DRC1: variants seen among roughly 807,000 people sequenced by gnomAD.
DRC1 encodes dynein regulatory complex subunit 1, also known as dynein regulatory complex protein 1.
DRC1 carries 74 observed loss-of-function variants against 98.7 expected under a neutral mutation model. That is an observed-to-expected ratio of 0.75 (90% confidence interval 0.62 to 0.91). The LOEUF (loss-of-function observed/expected upper bound fraction) is 0.91. Ranked by LOEUF, DRC1 falls within the 40% of genes least tolerant of loss-of-function variation. The pLI, the probability that DRC1 is intolerant of heterozygous loss-of-function variation, is 0.00. For synonymous variants in DRC1, 336 were observed against 334.1 expected (o/e 1.01, Z -0.06); for missense variants, 875 against 886.0 (o/e 0.99, Z 0.16).
At chr2:26,402,728 T>C (rs1678292163) in intron 1 of DRC1, among the ~76,000 whole-genome samples, 1 of 152,364 alleles carries the variant, frequency 6.6e-6, no homozygotes, top group East Asian at 1.9e-4. Context: ...CACTGACCAC[T>C]GGACCCCTAC....
chr2:26,445,674 T>C (rs1022118220), intron 10 of DRC1, among the ~76,000 whole-genome samples: 5 of 152,112 alleles, frequency 3.3e-5, no homozygotes, highest in African/African-American at 1.2e-4. Flanking sequence ...ATTTATTTAT[T>C]TTTGAGACAG....
intron 2 of DRC1, among the ~76,000 whole-genome samples, chr2:26,419,133 C>A (rs984552708): frequency 3.3e-5 from 5 of 151,926 alleles, no homozygotes; most frequent in African/African-American, 1.2e-4. Flanking sequence ...AGGTGAACCG[C>A]CCGTGTTGGC....
intron 16 of DRC1, among the ~76,000 whole-genome samples, chr2:26,456,228 G>A (rs1279037611): frequency 6.6e-6 from 1 of 152,208 alleles, no homozygotes; most frequent in Non-Finnish European, 1.5e-5. Flanking sequence ...GAATGGACGG[G>A]CGGGAGATGA....
In DRC1 at chr2:26,429,737, C is replaced by G. The variant is rs1663383331; in HGVS notation, c.650C>G (p.Thr217Ser). ...MEEQVKNVMK[T>S]FREELYNIEK... Reference sequence around the variant, plus strand: ...GAACAGGTGAAGAATGTGATGAAAACCTTTCGTGAGGAGCTCTATAACATT... The same window carrying G: ...GAACAGGTGAAGAATGTGATGAAAAGCTTTCGTGAGGAGCTCTATAACATT... The change falls in exon 5 of 17, where the codon ACC becomes AGC. Residue 217 changes from threonine to serine, a missense_variant. Physicochemically the swap from Thr to Ser is moderately conservative, Grantham distance 58 (BLOSUM62 1). Coordinates refer to ENST00000288710, the MANE Select transcript of DRC1 (RefSeq NM_145038.5). The G allele has an allele frequency of 6.2e-7, 1 of 1,613,916 alleles. No individual in the cohort carries two copies. Among genetic ancestry groups the G allele is most frequent in the Non-Finnish European group, 8.5e-7 (1 of 1,179,992 alleles).
chr2:26,402,148 A>T lies in DRC1; in HGVS notation c.155+4A>T. ...CGCGCTTAGAAGCCCGGAGGCGGTG[A>T]GCGCGGGGGCGGGCGGGGCGGGATC... On this transcript the variant is annotated splice_donor_region_variant and intron_variant, in intron 1 of 16. Transcript: ENST00000288710. The T allele has an allele frequency of 6.3e-7, 1 of 1,594,434 alleles. No individual in the cohort carries two copies. Among genetic ancestry groups the T allele is most frequent in the Non-Finnish European group, 8.5e-7 (1 of 1,172,712 alleles).
intron 1 of DRC1, among the ~76,000 whole-genome samples, chr2:26,403,662 G>T (rs1678324688): frequency 6.6e-6 from 1 of 151,978 alleles, no homozygotes; most frequent in Admixed American, 6.6e-5. Flanking sequence ...AGGTGTGGTG[G>T]CAGGCACCTG....
rs569189470 is a variant in DRC1 at position 26,411,796 on chromosome 2, A to T, written c.156-2548A>T. Among the ~76,000 whole-genome samples the T allele has an allele frequency of 8.9e-5, 11 of 124,196 alleles. No homozygotes were observed. The South Asian group carries it at 1.1e-3, about 13-fold the overall frequency. The allele number at this position is 124,196 out of a possible 152,430, so 81.5% of individuals were successfully genotyped here. The stretch of plus-strand genomic sequence containing the variant: ...TGGGGACAGAGCAAGACTCTGTCTT[A>T]AAAAAAAAAAAAATTATAGCATATC... On this transcript the variant is annotated intron_variant, in intron 1 of 16. Transcript: ENST00000288710.
At chr2:26,449,825 C>T (rs957036879) in intron 11 of DRC1, among the ~76,000 whole-genome samples, 171 bp from the exon 12 acceptor site, 8 of 152,188 alleles carry the variant, frequency 5.3e-5, no homozygotes, top group East Asian at 1.9e-4. Context: ...GGGAGGGGGG[C>T]GTTCATGGGC....
At position 26,444,275 on chromosome 2, in the gene DRC1, A is replaced by C. The variant is rs970137380; in HGVS notation, c.1082A>C (p.Gln361Pro). 2.5e-6 allele frequency: 4 copies of C among 1,614,224 alleles called. No individual in the cohort carries two copies. The highest frequency in any genetic ancestry group is 3.3e-4 in the Middle Eastern group (2 of 6,062). Residue 361 changes from glutamine to proline, a missense_variant, in exon 9 of 17, where the codon CAG becomes CCG. Gln to Pro is a moderately conservative substitution (Grantham distance 76, BLOSUM62 -1). Transcript: ENST00000288710. Reference sequence around the variant, plus strand: ...TCAAAATATGCCAAGCAAATAAAGCAGTTTCAGGAGGAGAACCAGTCTCTA... The same window carrying C: ...TCAAAATATGCCAAGCAAATAAAGCCGTTTCAGGAGGAGAACCAGTCTCTA... The part of the protein sequence containing the change: ...LRSKYAKQIK[Q>P]FQEENQSLTS...
rs6747166 is a variant in DRC1 at position 26,454,861 on chromosome 2, G to A, written c.2063+71G>A. ...AGGAACGGTTGTTGGGAGCAGCCGC[G>A]TTTGCTGCCTCCCTGTCCCACTGAA... On this transcript the variant is annotated intron_variant, in intron 15 of 16. Coordinates refer to ENST00000288710, the MANE Select transcript of DRC1 (RefSeq NM_145038.5). The surrounding 1 kb of genome is among the most constrained non-coding windows in gnomAD (Gnocchi z 5.2). The A allele has an allele frequency of 8.5e-3, 13,524 of 1,600,052 alleles. 585 individuals are homozygous for A. In the African/African-American group the frequency reaches 0.12, roughly 14 times the overall value.
Position 26,424,422 on chromosome 2 carries a change from G to A in DRC1, c.508G>A (p.Asp170Asn). ...QQLHCAGLLEDKNKLISELQQ... is the reference protein window; with the variant it reads ...QQLHCAGLLENKNKLISELQQ... ...GCTGCACTGTGCTGGACTCTTAGAAGATAAGAATAAACTCATCAGCGAGTT... is the reference window on the plus strand; with the variant it reads ...GCTGCACTGTGCTGGACTCTTAGAAAATAAGAATAAACTCATCAGCGAGTT... The change falls in exon 4 of 17, where the codon GAT becomes AAT. Residue 170 changes from aspartate to asparagine, a missense_variant. Coordinates refer to ENST00000288710, the MANE Select transcript of DRC1 (RefSeq NM_145038.5). The A allele has an allele frequency of 1.9e-6, 3 of 1,613,590 alleles. 1 individual carries two copies. The highest frequency in any genetic ancestry group is 2.5e-6 in the Non-Finnish European group (3 of 1,179,954).
At chr2:26,412,325 G>C (rs750687584) in intron 1 of DRC1, among the ~76,000 whole-genome samples, 25 of 152,118 alleles carry the variant, frequency 1.6e-4, no homozygotes, top group Non-Finnish European at 3.5e-4. Context: ...CCGAGATCGC[G>C]CCATTGCACT....
intron 7 of DRC1, among the ~76,000 whole-genome samples, chr2:26,439,791 G>C (rs1663662806): frequency 6.6e-6 from 1 of 150,998 alleles, no homozygotes; most frequent in African/African-American, 2.4e-5. Context: ...TATTTTATCT[G>C]GTTGGCCTTT....
intron 1 of DRC1, among the ~76,000 whole-genome samples, chr2:26,405,654 T>TA (rs1491448514): frequency 1.4e-4 from 1 of 7,228 alleles, no homozygotes; most frequent in African/African-American, 1.7e-4. Context: ...AGGCTATATC[T>TA]TTTTTTTTTT....
At chr2:26,425,691 A>G (rs1215368748) in intron 4 of DRC1, among the ~76,000 whole-genome samples, 1 of 152,038 alleles carries the variant, frequency 6.6e-6, no homozygotes, top group Non-Finnish European at 1.5e-5. Context: ...CATGTTTTTC[A>G]TGTGTTTATT....
chr2:26,448,295 G>A (rs115148454), intron 10 of DRC1: 12,098 of 472,720 alleles, frequency 0.026, 578 homozygotes, highest in African/African-American at 0.12. Flanking sequence ...GGCTGCTTCT[G>A]TCTAATCTGT....
Position 26,453,432 on chromosome 2 carries a change from G to C in DRC1, c.1802G>C (p.Ser601Thr). ...GAGATGGAGGGAGAAAAGGAAGAAA[G>C]CCTGGTGGAAGGGGAGAAGGAGGAA... ...QTEMEGEKEE[S>T]LVEGEKEEEE... The change falls in exon 14 of 17, where the codon AGC becomes ACC. Residue 601 changes from serine to threonine, a missense_variant. Ser to Thr is a moderately conservative substitution (Grantham distance 58, BLOSUM62 1). Transcript: ENST00000288710. 1 of 1,614,202 alleles carries C rather than the reference G, an allele frequency of 6.2e-7. No individual in the cohort carries two copies. Among genetic ancestry groups the C allele is most frequent in the Non-Finnish European group, 8.5e-7 (1 of 1,180,036 alleles).
intron 7 of DRC1, among the ~76,000 whole-genome samples, chr2:26,438,301 C>T (rs1213117958): frequency 6.6e-6 from 1 of 152,152 alleles, no homozygotes; most frequent in Admixed American, 6.5e-5. Flanking sequence ...AGTAGCCTTG[C>T]AGCTTCTTTC....
At chr2:26,440,319 T>TTGTA in intron 7 of DRC1, 59 bp from the exon 8 acceptor site, 4 of 1,266,570 alleles carry the variant, frequency 3.2e-6, no homozygotes, top group Non-Finnish European at 4.1e-6. Context: ...GTTAGTGTGT[T>TTGTA]TGTGTGTGTG....
Sources: allele counts gnomAD v4.1 joint callset (sites outside exome capture counted in the v4.1 genomes callset), GRCh38; gene constraint gnomAD v4.1.1; non-coding constraint Gnocchi (gnomAD v3.1); transcripts MANE v1.5; gene names NCBI Gene and HGNC (gene_info 2026-07-23, HGNC 2026-07-21).